MITD1: variants seen among roughly 807,000 people sequenced by gnomAD.
MITD1 encodes the protein microtubule interacting and trafficking domain containing 1.
A neutral mutation model predicts 34.9 loss-of-function variants in MITD1; 24 were observed. The ratio of observed to expected loss-of-function variants is 0.69; its 90% CI spans 0.50 to 0.97. The LOEUF (loss-of-function observed/expected upper bound fraction) is 0.97, where lower values mean the gene tolerates loss of function less well. MITD1 is among the 50% of genes least tolerant of loss of function. The pLI, the probability that MITD1 is intolerant of heterozygous loss-of-function variation, is 0.00. For synonymous variants in MITD1, 102 were observed against 101.4 expected, an observed-to-expected ratio of 1.01 and a Z score of -0.04; for missense variants, 266 against 294.6, an observed-to-expected ratio of 0.90 and a Z score of 0.71.
At chr2:99,173,862 G>A (rs541700846) in intron 2 of MITD1, 53 bp downstream of exon 2, 3 of 1,113,774 alleles carry the variant, frequency 2.7e-6, no homozygotes, top group East Asian at 2.4e-5. Flanking sequence ...AACATTGGGT[G>A]AATGGACAGT....
rs1156918587 is a variant in MITD1 at position 99,174,025 on chromosome 2, T to G, written c.152-9A>C. ...AGTATTATCTTTGGTACCTACAAAT[T>G]TAAAAATATATATTATCAAGTATCA... On this transcript the variant is annotated splice_polypyrimidine_tract_variant and intron_variant, in intron 1 of 6. Coordinates refer to ENST00000289359, the MANE Select transcript of MITD1 (RefSeq NM_138798.3). 1.1e-5 allele frequency: 14 copies of G among 1,259,082 alleles called. No homozygotes were observed. The highest frequency in any genetic ancestry group is 1.6e-5 in the Non-Finnish European group (14 of 884,468). 78.0% of individuals were successfully genotyped at this position (1,259,082 alleles called of 1,614,324 possible).
rs2093856501 is a variant in MITD1 at position 99,171,376 on chromosome 2, T to A, written c.444A>T (p.Val148=). ...GAGAGGTGAGAAGGTGAATAGTTTT[T>A]ACTTTACATGGTCTCTTAATAAGCA... ...CEMLIKRPCK[V]KTIHLLTSLD... is the part of the protein sequence containing the mutation. Residue 148 remains valine, a synonymous_variant, in exon 4 of 7, where the codon GTA becomes GTT. Coordinates refer to ENST00000289359, the MANE Select transcript of MITD1 (RefSeq NM_138798.3). The A allele has an allele frequency of 6.2e-7, 1 of 1,612,008 alleles. No individual in the cohort carries two copies. The highest frequency in any genetic ancestry group is 1.3e-5 in the African/African-American group (1 of 74,978).
downstream of MITD1, chr2:99,161,931 ATTTG>A (rs1172681882): frequency 8.5e-6 from 13 of 1,537,038 alleles, no homozygotes; most frequent in African/African-American, 1.4e-5. Flanking sequence ...CGATGAATTA[ATTTG>A]TTTGTCTTCC....
rs747378543 is a variant in MITD1, at chr2:99,180,952, C to G, written c.30G>C (p.Pro10=). The G allele has an allele frequency of 6.2e-7, 1 of 1,613,708 alleles. No individual in the cohort carries two copies. The highest frequency in any genetic ancestry group is 8.5e-7 in the Non-Finnish European group (1 of 1,179,890). The change falls in exon 1 of 7, where the codon CCG becomes CCC. Residue 10 remains proline, a synonymous_variant. Transcript: ENST00000289359. The part of the protein sequence containing the change: MAKSGLRQD[P]QSTAAATVLK... ...GCACAGTGGCTGCAGCTGTGCTCTGCGGGTCCTGCCTCAGCCCGGACTTCG... is the reference window on the plus strand; with the variant it reads ...GCACAGTGGCTGCAGCTGTGCTCTGGGGGTCCTGCCTCAGCCCGGACTTCG...
At chr2:99,175,705 T>G (rs550812758) in intron 1 of MITD1, among the ~76,000 whole-genome samples, 7 of 152,362 alleles carry the variant, frequency 4.6e-5, no homozygotes, top group Admixed American at 3.3e-4. Context: ...ATGACTGTGA[T>G]GTTTGCAAAA....
downstream of MITD1, among the ~76,000 whole-genome samples, chr2:99,167,675 C>T (rs923645377): frequency 2.6e-5 from 4 of 152,242 alleles, no homozygotes; most frequent in Admixed American, 6.5e-5. Context: ...TCCATTTCCA[C>T]GTGGCATCGG....
At chr2:99,171,963 T>C (rs1453224756) in intron 2 of MITD1, 3 of 228,720 alleles carry the variant, frequency 1.3e-5, no homozygotes, top group Non-Finnish European at 2.6e-5. Flanking sequence ...GAGTAGTGTA[T>C]ATATAAAGGT....
chr2:99,172,153 CAAGG>C (rs1474370431), intron 2 of MITD1: 1 of 152,476 alleles, frequency 6.6e-6, no homozygotes, highest in Non-Finnish European at 1.5e-5. Context: ...TTTGGGAGGC[CAAGG>C]TAGGTAGATC....
At chr2:99,167,855 G>T (rs1223331004), downstream of MITD1, among the ~76,000 whole-genome samples, 1 of 152,044 alleles carries the variant, frequency 6.6e-6, no homozygotes, top group Non-Finnish European at 1.5e-5. Context: ...AACCTGAAAA[G>T]ATTTAAAAAA....
At chr2:99,179,270 ATC>A (rs1460992576) in intron 1 of MITD1, among the ~76,000 whole-genome samples, 1 of 152,106 alleles carries the variant, frequency 6.6e-6, no homozygotes, top group Non-Finnish European at 1.5e-5. Context: ...ACAGTACACC[ATC>A]TCTCTTTTGG....
At chr2:99,170,000 A>G (rs1294982044) in intron 5 of MITD1, among the ~76,000 whole-genome samples, 1 of 152,130 alleles carries the variant, frequency 6.6e-6, no homozygotes, top group African/African-American at 2.4e-5. Flanking sequence ...CTGCATTTTC[A>G]TCTGTTTTGC....
At chr2:99,179,124 T>C (rs1271718933) in intron 1 of MITD1, among the ~76,000 whole-genome samples, 1 of 152,218 alleles carries the variant, frequency 6.6e-6, no homozygotes, top group East Asian at 1.9e-4. Flanking sequence ...TGCATTTTGG[T>C]CTTAACCCAT....
At chr2:99,173,209 T>C (rs1171428459) in intron 2 of MITD1, 3 of 233,770 alleles carry the variant, frequency 1.3e-5, no homozygotes, top group South Asian at 1.2e-4. Context: ...TACAGGATAG[T>C]AGGAAGAGAT....
chr2:99,181,000 C>G lies in MITD1; in HGVS notation c.-19G>C, dbSNP rs1335741181. On this transcript the variant is annotated 5_prime_UTR_variant, in exon 1 of 7. Transcript: ENST00000289359. ...TCGCCATAATTCTGGAAGTTCTCCT[C>G]CGCCTCAACCCAGGATGAAGTTGAG... The G allele has an allele frequency of 1.9e-6, 3 of 1,609,390 alleles. 1 individual carries two copies. In the South Asian group the frequency reaches 3.3e-5, roughly 18 times the overall value.
At chr2:99,167,868 A>G (rs2093833893), downstream of MITD1, among the ~76,000 whole-genome samples, 1 of 152,206 alleles carries the variant, frequency 6.6e-6, no homozygotes, top group Non-Finnish European at 1.5e-5. Flanking sequence ...TTAAAAAAAA[A>G]TCAGGAACTG....
At chr2:99,174,490 T>G (rs1029370439) in intron 1 of MITD1, among the ~76,000 whole-genome samples, 2 of 152,200 alleles carry the variant, frequency 1.3e-5, no homozygotes, top group African/African-American at 4.8e-5. Context: ...TCATAAAGTT[T>G]TACCCAACCA....
downstream of MITD1, among the ~76,000 whole-genome samples, chr2:99,168,773 C>A (rs766351227): frequency 2.6e-4 from 40 of 151,852 alleles, no homozygotes; most frequent in Admixed American, 1.1e-3. Context: ...AGACCCCAAG[C>A]CCATCTGTCT....
At chr2:99,175,417 T>C (rs1301101575) in intron 1 of MITD1, among the ~76,000 whole-genome samples, 1 of 152,248 alleles carries the variant, frequency 6.6e-6, no homozygotes, top group Non-Finnish European at 1.5e-5. Context: ...TTTTGGACAG[T>C]CTGATGTTTT....
At chr2:99,174,434 A>C (rs1329667469) in intron 1 of MITD1, among the ~76,000 whole-genome samples, 1 of 152,214 alleles carries the variant, frequency 6.6e-6, no homozygotes, top group African/African-American at 2.4e-5. Context: ...TAGTTAATGC[A>C]CATTTTTCCA....
Sources: allele counts gnomAD v4.1 joint callset (sites outside exome capture counted in the v4.1 genomes callset), GRCh38; gene constraint gnomAD v4.1.1; transcripts MANE v1.5; gene names NCBI Gene and HGNC (gene_info 2026-07-23, HGNC 2026-07-21).